The following ROBO2 variants were observed in gnomAD, a reference collection of about 807,000 sequenced individuals.
ROBO2 encodes the protein roundabout homolog 2.
ROBO2 carries 53 observed loss-of-function variants against 160.8 expected under a neutral mutation model. The observed-to-expected ratio is 0.33, with a 90% CI of 0.26 to 0.41. The LOEUF (loss-of-function observed/expected upper bound fraction) is 0.41, where lower values mean the gene tolerates loss of function less well. Among genes scored for constraint, ROBO2 ranks in the 10% least tolerant of loss-of-function variants. The pLI, the probability that ROBO2 is intolerant of heterozygous loss-of-function variation, is 1.00. For missense variants in ROBO2, 1,577 were observed against 1,722.4 expected, an observed-to-expected ratio of 0.92 and a Z score of 1.49; for synonymous variants, 664 against 611.7, an observed-to-expected ratio of 1.09 and a Z score of -1.26.
intron 2 of ROBO2, among the ~76,000 whole-genome samples, chr3:76,778,376 GT>G: frequency 6.6e-6 from 1 of 151,144 alleles, no homozygotes; most frequent in East Asian, 2.0e-4. Flanking sequence ...AAGGTTATGT[GT>G]TTTAGTTCTG....
intron 2 of ROBO2, among the ~76,000 whole-genome samples, chr3:76,120,066 G>A (rs1402904917): frequency 4.6e-5 from 7 of 151,170 alleles, no homozygotes; most frequent in African/African-American, 1.2e-4. Context: ...GTATGATCTC[G>A]GCTTACTGCA....
At chr3:76,257,960 A>C (rs967474896) in intron 2 of ROBO2, among the ~76,000 whole-genome samples, 3 of 152,162 alleles carry the variant, frequency 2.0e-5, no homozygotes, top group Non-Finnish European at 2.9e-5. Context: ...ATATTTCAGC[A>C]CTTGGTATAT....
chr3:77,588,645 C>T, intron 16 of ROBO2, 106 bp from the exon 18 acceptor site: 1 of 1,045,004 alleles, frequency 9.6e-7, no homozygotes, highest in South Asian at 1.4e-5. Context: ...ACTAAACAAG[C>T]ATTTCCTGCC....
At chr3:77,127,496 A>G (rs2075450054) in intron 2 of ROBO2, among the ~76,000 whole-genome samples, 1 of 152,160 alleles carries the variant, frequency 6.6e-6, no homozygotes. Flanking sequence ...TACATTGACA[A>G]AAGTACTCTT....
At chr3:75,951,576 C>T (rs764709243) in intron 2 of ROBO2, among the ~76,000 whole-genome samples, 1 of 151,972 alleles carries the variant, frequency 6.6e-6, no homozygotes, top group Non-Finnish European at 1.5e-5. Flanking sequence ...ATGGTACTGC[C>T]AGCAGACAGA....
chr3:77,644,533 T>A (rs1403148960), intron 24 of ROBO2, among the ~76,000 whole-genome samples, 171 bp from the exon 27 acceptor site: 3 of 152,340 alleles, frequency 2.0e-5, no homozygotes, highest in Admixed American at 1.3e-4. Context: ...AAATGTTGCT[T>A]GCACATAGAA....
At chr3:76,385,088 A>T (rs1364598588) in intron 2 of ROBO2, among the ~76,000 whole-genome samples, 1 of 152,124 alleles carries the variant, frequency 6.6e-6, no homozygotes, top group East Asian at 1.9e-4. Flanking sequence ...TCAACCTTCC[A>T]GGCTCAAACT....
At chr3:76,046,438 A>G (rs542218728) in intron 2 of ROBO2, among the ~76,000 whole-genome samples, 2 of 152,096 alleles carry the variant, frequency 1.3e-5, no homozygotes, top group African/African-American at 2.4e-5. Context: ...TCACAAGGTC[A>G]GGAGATCGAG....
chr3:76,008,299 T>C (rs2066088202), intron 2 of ROBO2, among the ~76,000 whole-genome samples: 1 of 151,112 alleles, frequency 6.6e-6, no homozygotes, highest in Non-Finnish European at 1.5e-5. Context: ...TGGCTGTTAG[T>C]AATTTCTATT....
chr3:76,035,337 G>C (rs2067070582), intron 2 of ROBO2, among the ~76,000 whole-genome samples: 1 of 151,822 alleles, frequency 6.6e-6, no homozygotes. Flanking sequence ...TTCTAGACAT[G>C]TTCTAAGACA....
chr3:76,562,378 A>G (rs2084234968), intron 2 of ROBO2, among the ~76,000 whole-genome samples: 1 of 152,026 alleles, frequency 6.6e-6, no homozygotes, highest in Admixed American at 6.6e-5. Flanking sequence ...TTAGTCATAT[A>G]TGTATTAGGA....
At chr3:77,292,603 A>G (rs1039438858) in intron 2 of ROBO2, among the ~76,000 whole-genome samples, 1 of 151,254 alleles carries the variant, frequency 6.6e-6, no homozygotes, top group Non-Finnish European at 1.5e-5. Context: ...AGATCACCCC[A>G]GACATAAAGT....
chr3:76,809,337 GTC>G (rs1393863052), intron 2 of ROBO2, among the ~76,000 whole-genome samples: 2 of 152,092 alleles, frequency 1.3e-5, no homozygotes, highest in Non-Finnish European at 2.9e-5. Context: ...AGTGAGTGGA[GTC>G]TCTGTTTTTA....
chr3:77,200,321 A>ATATATATATTTT (rs1491568129), intron 2 of ROBO2, among the ~76,000 whole-genome samples: 1 of 54,890 alleles, frequency 1.8e-5, no homozygotes, highest in African/African-American at 5.5e-5. Context: ...ATATATATAT[A>ATATATATATTTT]TTTTAGTTTC....
intron 2 of ROBO2, among the ~76,000 whole-genome samples, chr3:77,381,272 G>A (rs2073430017): frequency 6.6e-6 from 1 of 152,118 alleles, no homozygotes; most frequent in Admixed American, 6.6e-5. Flanking sequence ...CCGAGATCAC[G>A]CCACTGCACC....
At chr3:76,603,326 CATCTCCAAAAA>C (rs1302025214) in intron 2 of ROBO2, among the ~76,000 whole-genome samples, 2 of 81,772 alleles carry the variant, frequency 2.4e-5, no homozygotes, top group African/African-American at 1.2e-4. Flanking sequence ...AGCGAGACTC[CATCTCCAAAAA>C]AAAAAAAAAA....
At position 76,836,076 on chromosome 3, in the gene ROBO2, T is replaced by G. The variant is rs1204573936; in HGVS notation, c.110-261938T>G. ...TGAGGATTTATTTTAAATTATGACT[T>G]CTATTTGATTACTATTTAGTTGAAT... On this transcript the variant is annotated intron_variant, in intron 2 of 26. Transcript: ENST00000487694. Among the ~76,000 whole-genome samples, 58 of 152,056 alleles carry G rather than the reference T, an allele frequency of 3.8e-4. 2 individuals carry two copies. The highest frequency in any genetic ancestry group is 7.4e-5 in the Non-Finnish European group (5 of 67,924).
intron 2 of ROBO2, among the ~76,000 whole-genome samples, chr3:76,723,484 C>A (rs2093497368): frequency 6.6e-6 from 1 of 152,140 alleles, no homozygotes; most frequent in Non-Finnish European, 1.5e-5. Context: ...GGTCTTTGTG[C>A]AGAGGCAACA....
intron 2 of ROBO2, among the ~76,000 whole-genome samples, chr3:76,507,968 G>T (rs1353380625): frequency 2.0e-5 from 3 of 152,108 alleles, no homozygotes; most frequent in Non-Finnish European, 2.9e-5. Flanking sequence ...GTTGTATAAT[G>T]AACACTCCTC....
Sources: gnomAD v4.1 joint callset for allele counts (sites outside exome capture counted in the v4.1 genomes callset) on GRCh38, gnomAD v4.1.1 for gene constraint, MANE v1.5 for transcripts, NCBI Gene and HGNC (gene_info 2026-07-23, HGNC 2026-07-21) for gene names.